Variants in CNN2 observed in about 807,000 individuals in gnomAD.
CNN2 encodes calponin-2.
A neutral mutation model predicts 31.0 loss-of-function variants in CNN2; 21 were observed. That is an observed-to-expected ratio of 0.68 (90% CI 0.48 to 0.98). The LOEUF is 0.98. Among genes scored for constraint, CNN2 ranks in the 50% least tolerant of loss-of-function variants. The pLI, the probability that CNN2 is intolerant of heterozygous loss-of-function variation, is 0.00. For missense variants in CNN2, 399 were observed against 427.3 expected (o/e 0.93, Z 0.58); for synonymous variants, 165 against 179.6 (o/e 0.92, Z 0.65).
chr19:1,032,787 G>A (rs1389986924), intron 4 of CNN2, 91 bp downstream of exon 4: 1 of 1,043,678 alleles, frequency 9.6e-7, no homozygotes, highest in Non-Finnish European at 1.4e-6. Context: ...ATTTCTGTTT[G>A]TTTATTTTTG....
chr19:1,028,628 C>T (rs1326253369), intron 1 of CNN2, among the ~76,000 whole-genome samples: 1 of 150,732 alleles, frequency 6.6e-6, no homozygotes, highest in Non-Finnish European at 1.5e-5. Flanking sequence ...CAGATTTAGC[C>T]GGGGAGGCAG....
At position 1,031,112 on chromosome 19, in the gene CNN2, C is replaced by T. The variant is rs1318814767; in HGVS notation, c.105C>T (p.Arg35=). The T allele has an allele frequency of 8.7e-6, 14 of 1,613,360 alleles. No homozygotes were observed. Among genetic ancestry groups the T allele is most frequent in the Non-Finnish European group, 1.0e-5 (12 of 1,179,916 alleles). ...ACCCCCAGAAGGAGGCAGAGCTCCG[C>T]ACCTGGATCGAGGGACTCACCGGCC... ...KYDPQKEAEL[R]TWIEGLTGLS... is the part of the protein sequence containing the mutation. Residue 35 remains arginine (R), a synonymous_variant, in exon 2 of 7, where the codon CGC becomes CGT. Coordinates refer to ENST00000263097, the MANE Select transcript of CNN2 (RefSeq NM_004368.4).
In CNN2 at chr19:1,036,452, A is replaced by G. The variant is rs2039586965; in HGVS notation, c.544A>G (p.Thr182Ala). 6.2e-7 allele frequency: 1 copy of G among 1,612,936 alleles called. No individual in the cohort carries two copies. The highest frequency in any genetic ancestry group is 8.5e-7 in the Non-Finnish European group (1 of 1,179,168). The change falls in exon 6 of 7, where the codon ACT becomes GCT. Residue 182 changes from threonine to alanine, a missense_variant. Physicochemically the swap from Thr to Ala is moderately conservative, Grantham distance 58. Coordinates refer to ENST00000263097, the MANE Select transcript of CNN2 (RefSeq NM_004368.4). ...TNKCASQSGMTAYGTRRHLYD... is the reference protein window; with the variant it reads ...TNKCASQSGMAAYGTRRHLYD... ...CAAATGCGCCAGCCAGTCGGGCATGACTGCCTACGGCACGAGAAGGCATCT... is the reference window on the plus strand; with the variant it reads ...CAAATGCGCCAGCCAGTCGGGCATGGCTGCCTACGGCACGAGAAGGCATCT...
chr19:1,035,992 A>C, intron 4 of CNN2, 138 bp from the exon 5 acceptor site: 1 of 1,349,984 alleles, frequency 7.4e-7, no homozygotes, highest in South Asian at 1.6e-5. Context: ...CAGACACCCG[A>C]GAGATGTGCC....
chr19:1,035,261 G>C (rs1024577932), intron 4 of CNN2, among the ~76,000 whole-genome samples: 6 of 152,048 alleles, frequency 3.9e-5, no homozygotes, highest in Non-Finnish European at 5.9e-5. Flanking sequence ...AATGGAATGG[G>C]AGTGTGTGTT....
intron 1 of CNN2, among the ~76,000 whole-genome samples, chr19:1,027,990 C>G (rs574410576): frequency 6.6e-6 from 1 of 152,310 alleles, no homozygotes; most frequent in East Asian, 1.9e-4. Context: ...GCCAGGGTCC[C>G]CAGCCCGGGG....
chr19:1,030,826 G>A, intron 1 of CNN2: 1 of 389,024 alleles, frequency 2.6e-6, no homozygotes, highest in South Asian at 3.1e-5. Context: ...ATGTTTATCA[G>A]TGAGTTCTAA....
chr19:1,038,380 G>C lies in CNN2; in HGVS notation c.*480G>C, dbSNP rs2144636291. 1 of 153,276 alleles carries C rather than the reference G, an allele frequency of 6.5e-6. No homozygotes were observed. Among genetic ancestry groups the C allele is most frequent in the African/African-American group, 2.4e-5 (1 of 41,586 alleles). The allele number at this position is 153,276 out of a possible 1,614,324, so 9.5% of individuals were successfully genotyped here. A position where few individuals can be genotyped will look rare whatever the true frequency, so the allele number is the denominator to read the frequency against. The stretch of plus-strand genomic sequence containing the variant: ...CTAGGAAATGAGTCCCCTGGGAAAG[G>C]GGACCGGGCCGTGATGTTAAATATC... On this transcript the variant is annotated 3_prime_UTR_variant, in exon 7 of 7. Transcript: ENST00000263097.
At chr19:1,036,014 T>C in intron 4 of CNN2, 116 bp from the exon 5 acceptor site, 2 of 1,432,366 alleles carry the variant, frequency 1.4e-6, no homozygotes, top group Middle Eastern at 1.8e-4. Context: ...GTGGGGGCTC[T>C]GCGCGGCAGG....
chr19:1,026,752 C>A (rs746565690), intron 1 of CNN2, 28 bp downstream of exon 1: 10 of 1,544,320 alleles, frequency 6.5e-6, no homozygotes, highest in African/African-American at 1.4e-5. Context: ...CTTGTCCCCC[C>A]GACAGCGCGG....
In CNN2 at chr19:1,031,210, C is replaced by T. The variant is rs765918776; in HGVS notation, c.185+18C>T. The T allele has an allele frequency of 3.8e-6, 6 of 1,581,288 alleles. No individual in the cohort carries two copies. The highest frequency in any genetic ancestry group is 1.4e-5 in the African/African-American group (1 of 73,902). ...TTATGCACGTGAGTACACGCAGGGACACAGGCTGTCTCACACTTAACAAAT... is the reference window on the plus strand; with the variant it reads ...TTATGCACGTGAGTACACGCAGGGATACAGGCTGTCTCACACTTAACAAAT... On this transcript the variant is annotated intron_variant, in intron 2 of 6. Transcript: ENST00000263097.
intron 1 of CNN2, among the ~76,000 whole-genome samples, chr19:1,029,872 G>T (rs1277665993): frequency 6.6e-6 from 1 of 152,068 alleles, no homozygotes; most frequent in African/African-American, 2.4e-5. Flanking sequence ...GCTCATTTTT[G>T]TATTTTAGTA....
intron 4 of CNN2, 72 bp downstream of exon 4, chr19:1,032,768 C>T (rs774760873): frequency 2.5e-5 from 30 of 1,216,958 alleles, no homozygotes; most frequent in Admixed American, 8.1e-5. Flanking sequence ...TGCATTCACT[C>T]GTTTGCAAAT....
rs780060064 is a variant in CNN2, at chr19:1,036,667, C to CTCA, written c.654+106_654+108dup. ...TCCAGCTTCTCTCCCCACTCTCAGT[C>CTCA]TCAGCCCCTTCCCTAGACCACCTCC... On this transcript the variant is annotated intron_variant, in intron 6 of 6. Coordinates refer to ENST00000263097, the MANE Select transcript of CNN2 (RefSeq NM_004368.4). 6 of 1,422,496 alleles carry CTCA rather than the reference C, an allele frequency of 4.2e-6. No homozygotes were observed. In the Admixed American group the frequency reaches 1.0e-4, roughly 24 times the overall value. 88.1% of individuals were successfully genotyped at this position (1,422,496 alleles called of 1,614,324 possible). A position where few individuals can be genotyped will look rare whatever the true frequency, so the allele number is the denominator to read the frequency against.
At chr19:1,028,316 A>G (rs1223520814) in intron 1 of CNN2, among the ~76,000 whole-genome samples, 2 of 151,950 alleles carry the variant, frequency 1.3e-5, no homozygotes, top group Non-Finnish European at 2.9e-5. Context: ...AGAGGCTGGA[A>G]GAGCCGCTTA....
intron 2 of CNN2, 98 bp downstream of exon 2, chr19:1,031,290 G>A: frequency 9.8e-7 from 1 of 1,019,182 alleles, no homozygotes; most frequent in Non-Finnish European, 1.3e-6. Flanking sequence ...GGCCGGGCAT[G>A]GCCTGGCTCA....
At position 1,026,679 on chromosome 19, in the gene CNN2, C is replaced by A; in HGVS notation, c.18C>A (p.Phe6Leu). 6.5e-7 allele frequency: 1 copy of A among 1,548,540 alleles called. No homozygotes were observed. Among genetic ancestry groups the A allele is most frequent in the South Asian group, 1.2e-5 (1 of 84,058 alleles). Reference protein sequence around the residue: MSSTQFNKGPSYGLSA... With the variant: MSSTQLNKGPSYGLSA... ...CGCCAGCCATGAGCTCCACGCAGTT[C>A]AACAAGGGCCCCTCGTACGGGCTGT... The change falls in exon 1 of 7, where the codon TTC becomes TTA. Residue 6 changes from phenylalanine (F) to leucine (L), a missense_variant. Phe to Leu is a conservative substitution (Grantham distance 22, BLOSUM62 0). Coordinates refer to ENST00000263097, the MANE Select transcript of CNN2 (RefSeq NM_004368.4).
rs60469398 is a variant in CNN2 at position 1,037,969 on chromosome 19, CT to C, written c.*83del. 8,674 of 1,182,276 alleles carry C rather than the reference CT, an allele frequency of 7.3e-3. No individual in the cohort carries two copies. Among genetic ancestry groups the C allele is most frequent in the South Asian group, 9.9e-3 (584 of 58,886 alleles). The allele number at this position is 1,182,276 out of a possible 1,614,324, so 73.2% of individuals were successfully genotyped here. On this transcript the variant is annotated 3_prime_UTR_variant, in exon 7 of 7. Coordinates refer to ENST00000263097, the MANE Select transcript of CNN2 (RefSeq NM_004368.4). ...TTTTTGGGTTTTTCTGTGTTTTCAT[CT>C]TTTTTTTTTTTTTCTTAACCCGTTC...
At chr19:1,026,873 G>C (rs889276723) in intron 1 of CNN2, 149 bp downstream of exon 1, 19 of 721,946 alleles carry the variant, frequency 2.6e-5, no homozygotes, top group South Asian at 2.5e-4. Context: ...GACGCCTGGT[G>C]GGGGGATGTC....
Sources: allele counts gnomAD v4.1 joint callset (sites outside exome capture counted in the v4.1 genomes callset), GRCh38; gene constraint gnomAD v4.1.1; transcripts MANE v1.5; gene names NCBI Gene and HGNC (gene_info 2026-07-23, HGNC 2026-07-21).